The following KLHDC2 variants were observed in gnomAD, a reference collection of about 807,000 sequenced individuals.
KLHDC2 encodes the protein kelch domain-containing protein 2.
KLHDC2 carries 38 observed loss-of-function variants against 62.3 expected under a neutral mutation model. That is an observed-to-expected ratio of 0.61 (90% confidence interval 0.47 to 0.80). The LOEUF (loss-of-function observed/expected upper bound fraction) is 0.80. KLHDC2 is among the 30% of genes least tolerant of loss of function. The pLI is 0.00. For synonymous variants in KLHDC2, 159 were observed against 161.0 expected (o/e 0.99, Z 0.09); for missense variants, 430 against 495.3 (o/e 0.87, Z 1.25).
Position 49,780,324 on chromosome 14 carries a change from T to A in KLHDC2, c.883+2T>A. The A allele has an allele frequency of 6.6e-7, 1 of 1,524,820 alleles. No homozygotes were observed. Among genetic ancestry groups the A allele is most frequent in the Non-Finnish European group, 9.1e-7 (1 of 1,098,674 alleles). The allele number at this position is 1,524,820 out of a possible 1,614,324, so 94.5% of individuals were successfully genotyped here. On this transcript the variant is annotated splice_donor_variant, in intron 9 of 12. Transcript: ENST00000298307. LOFTEE classifies it high-confidence loss of function. ...TTACCACTGATAAACAGCCACTAAGTAAGTCCTTGAAAAATATGATAATGA... is the reference window on the plus strand; with the variant it reads ...TTACCACTGATAAACAGCCACTAAGAAAGTCCTTGAAAAATATGATAATGA...
At chr14:49,779,551 C>T (rs1004266355) in intron 6 of KLHDC2, 44 bp from the exon 7 acceptor site, 5 of 1,448,766 alleles carry the variant, frequency 3.5e-6, no homozygotes, top group Admixed American at 3.5e-5. Flanking sequence ...GGTATTTTCC[C>T]TGTTTATAAA....
At position 49,782,620 on chromosome 14, in the gene KLHDC2, AGATT is replaced by A. The variant is rs1566639355; in HGVS notation, c.1097+27_1097+30del. ...GTAAGTAACTTTGTACTTGGCACTT[AGATT>A]ATTTAAAATTGTGTTTCCTAAGACT... On this transcript the variant is annotated intron_variant, in intron 12 of 12. Transcript: ENST00000298307. The A allele has an allele frequency of 1.9e-6, 3 of 1,560,326 alleles. No homozygotes were observed. The Admixed American group carries it at 5.5e-5, about 28-fold the overall frequency.
chr14:49,771,745 A>AT, intron 2 of KLHDC2, 72 bp downstream of exon 2: 1 of 791,310 alleles, frequency 1.3e-6, no homozygotes, highest in Non-Finnish European at 2.2e-6. Flanking sequence ...GCTCATGCCT[A>AT]TAATCCCAGC....
Position 49,785,785 on chromosome 14 carries a change from TGA to T in KLHDC2, c.*2834_*2835del. 6.5e-6 allele frequency: 1 copy of T among 154,194 alleles called. No individual in the cohort carries two copies. Among genetic ancestry groups the T allele is most frequent in the Non-Finnish European group, 1.4e-5 (1 of 71,830 alleles). The allele number at this position is 154,194 out of a possible 1,614,324, so 9.6% of individuals were successfully genotyped here. A position where few individuals can be genotyped will look rare whatever the true frequency, so the allele number is the denominator to read the frequency against. On this transcript the variant is annotated 3_prime_UTR_variant, in exon 13 of 13. Coordinates refer to ENST00000298307, the MANE Select transcript of KLHDC2 (RefSeq NM_014315.3). Reference sequence around the variant, plus strand: ...CTGTAGTCCCAGCTACTCGGAAGACTGAGGGGGGGAGGATCACCTGAGCCCAG... The same window carrying T: ...CTGTAGTCCCAGCTACTCGGAAGACTGGGGGGGAGGATCACCTGAGCCCAG...
Position 49,782,978 on chromosome 14 carries a change from C to A in KLHDC2, c.*25C>A. ...AGGCTTCATAAATAATGCCTATGAT[C>A]ACCTTGCATGGACAGCAATCCTGTA... On this transcript the variant is annotated 3_prime_UTR_variant, in exon 13 of 13. Coordinates refer to ENST00000298307, the MANE Select transcript of KLHDC2 (RefSeq NM_014315.3). 1 of 1,605,730 alleles carries A rather than the reference C, an allele frequency of 6.2e-7. No individual in the cohort carries two copies.
chr14:49,772,448 T>G (rs1174510579), intron 2 of KLHDC2, among the ~76,000 whole-genome samples: 1 of 152,222 alleles, frequency 6.6e-6, no homozygotes, highest in Admixed American at 6.5e-5. Flanking sequence ...GTTTGCCCTT[T>G]TTGTAAACTG....
chr14:49,778,605 T>G (rs1318300102), intron 6 of KLHDC2, 111 bp downstream of exon 6: 6 of 600,190 alleles, frequency 1.0e-5, no homozygotes, highest in Non-Finnish European at 1.8e-5. Context: ...AAGTGACAGT[T>G]CATTCTTGTT....
chr14:49,768,246 G>A lies in KLHDC2; in HGVS notation c.-223G>A. Reference sequence around the variant, plus strand: ...GCGCCGCCGCCGCCCGGCTCCGCTCGCGGCCCCTCTGTCTGCAGGCGTGCC... The same window carrying A: ...GCGCCGCCGCCGCCCGGCTCCGCTCACGGCCCCTCTGTCTGCAGGCGTGCC... On this transcript the variant is annotated 5_prime_UTR_variant, in exon 1 of 13. Transcript: ENST00000298307. 2.5e-6 allele frequency: 1 copy of A among 403,710 alleles called. No individual in the cohort carries two copies. Among genetic ancestry groups the A allele is most frequent in the Non-Finnish European group, 4.3e-6 (1 of 231,946 alleles). The allele number at this position is 403,710 out of a possible 1,614,324, so 25.0% of individuals were successfully genotyped here. A position where few individuals can be genotyped will look rare whatever the true frequency, so the allele number is the denominator to read the frequency against.
rs1889733711 is a variant in KLHDC2, at chr14:49,774,594, T to C, written c.267T>C (p.Pro89=). 1 of 1,613,860 alleles carries C rather than the reference T, an allele frequency of 6.2e-7. No homozygotes were observed. The highest frequency in any genetic ancestry group is 8.5e-7 in the Non-Finnish European group (1 of 1,179,840). ...TCAACACTGAAGGTGATGTTCCTCCTTCTATGTCAGGAAGCTGTGCTGTGT... is the reference window on the plus strand; with the variant it reads ...TCAACACTGAAGGTGATGTTCCTCCCTCTATGTCAGGAAGCTGTGCTGTGT... ...KKINTEGDVP[P]SMSGSCAVCV... Residue 89 remains proline (P), a synonymous_variant, in exon 3 of 13, where the codon CCT becomes CCC. Transcript: ENST00000298307.
intron 2 of KLHDC2, among the ~76,000 whole-genome samples, chr14:49,773,413 CAAAAA>C (rs34740472): frequency 2.9e-5 from 2 of 70,136 alleles, no homozygotes; most frequent in Non-Finnish European, 5.1e-5. Context: ...GACTCCATCT[CAAAAA>C]AAAAAAAAAA....
At chr14:49,781,409 TAA>T in intron 10 of KLHDC2, among the ~76,000 whole-genome samples, 1 of 139,538 alleles carries the variant, frequency 7.2e-6, no homozygotes, top group Non-Finnish European at 1.5e-5. Flanking sequence ...CTGGAATGGG[TAA>T]AATGTTTAAA....
At position 49,774,546 on chromosome 14, in the gene KLHDC2, T is replaced by C; in HGVS notation, c.234-15T>C. The C allele has an allele frequency of 6.5e-7, 1 of 1,526,794 alleles. No homozygotes were observed. The highest frequency in any genetic ancestry group is 1.1e-5 in the South Asian group (1 of 89,290). The allele number at this position is 1,526,794 out of a possible 1,614,324, so 94.6% of individuals were successfully genotyped here. A position where few individuals can be genotyped will look rare whatever the true frequency, so the allele number is the denominator to read the frequency against. Reference sequence around the variant, plus strand: ...TTCCCTTTAACTTACATACATTTAATTTATTCCCCCTCAGGAAAAAAATCA... The same window carrying C: ...TTCCCTTTAACTTACATACATTTAACTTATTCCCCCTCAGGAAAAAAATCA... On this transcript the variant is annotated splice_polypyrimidine_tract_variant and intron_variant, in intron 2 of 12. Transcript: ENST00000298307.
chr14:49,780,849 C>A, intron 10 of KLHDC2, 74 bp downstream of exon 10: 2 of 815,322 alleles, frequency 2.5e-6, no homozygotes, highest in Admixed American at 1.9e-5. Context: ...TTATATCCAG[C>A]ATTCTTATTT....
At chr14:49,777,614 AAAAAAAATTAGTTG>A (rs1450865174) in intron 3 of KLHDC2, among the ~76,000 whole-genome samples, 3 of 152,050 alleles carry the variant, frequency 2.0e-5, no homozygotes, top group Non-Finnish European at 4.4e-5. Context: ...TGACTATGAA[AAAAAAAATTAGTTG>A]AGCTAACAGC....
chr14:49,783,956 TAA>T lies in KLHDC2; in HGVS notation c.*1004_*1005del, dbSNP rs1491485181. Reference sequence around the variant, plus strand: ...ATTTAAACCCCTTGTAGCTGGCCTATAATATATATATATTAGATGTTATATAC... The same window carrying T: ...ATTTAAACCCCTTGTAGCTGGCCTATTATATATATATTAGATGTTATATAC... On this transcript the variant is annotated 3_prime_UTR_variant, in exon 13 of 13. Coordinates refer to ENST00000298307, the MANE Select transcript of KLHDC2 (RefSeq NM_014315.3). 6.6e-6 allele frequency: 1 copy of T among 152,178 alleles called. No homozygotes were observed. Among genetic ancestry groups the T allele is most frequent in the African/African-American group, 2.4e-5 (1 of 41,448 alleles). The allele number at this position is 152,178 out of a possible 1,614,324, so 9.4% of individuals were successfully genotyped here.
intron 10 of KLHDC2, among the ~76,000 whole-genome samples, chr14:49,781,369 C>CCAA (rs10623363): frequency 0.89 from 110,710 of 124,548 alleles, 49,824 homozygotes; most frequent in Non-Finnish European, 0.95. Context: ...AACTCTGTCT[C>CCAA]AAAAAAAAAA....
At chr14:49,769,873 C>T (rs1046354757) in intron 1 of KLHDC2, among the ~76,000 whole-genome samples, 1 of 147,384 alleles carries the variant, frequency 6.8e-6, no homozygotes, top group Non-Finnish European at 1.5e-5. Context: ...ACCAGGGAGG[C>T]GGAGTTTGCA....
At chr14:49,769,615 T>C (rs1289210134) in intron 1 of KLHDC2, among the ~76,000 whole-genome samples, 2 of 152,154 alleles carry the variant, frequency 1.3e-5, no homozygotes, top group East Asian at 3.9e-4. Context: ...TGCAGTGTTT[T>C]CCCCAGTTTC....
chr14:49,785,033 T>G lies in KLHDC2; in HGVS notation c.*2080T>G, dbSNP rs764237528. 2 of 1,608,530 alleles carry G rather than the reference T, an allele frequency of 1.2e-6. No homozygotes were observed. The highest frequency in any genetic ancestry group is 1.7e-6 in the Non-Finnish European group (2 of 1,175,204). ...TAAATACAAAAAAGAGTAAGAATAATCTACTGTTAAGTCACTGAACTGTTT... is the reference window on the plus strand; with the variant it reads ...TAAATACAAAAAAGAGTAAGAATAAGCTACTGTTAAGTCACTGAACTGTTT... On this transcript the variant is annotated 3_prime_UTR_variant, in exon 13 of 13. Transcript: ENST00000298307.
Sources: gnomAD v4.1 joint callset for allele counts (sites outside exome capture counted in the v4.1 genomes callset) on GRCh38, gnomAD v4.1.1 for gene constraint, MANE v1.5 for transcripts, NCBI Gene and HGNC (gene_info 2026-07-23, HGNC 2026-07-21) for gene names.